The following BRWD3 variants were observed in gnomAD, a reference collection of about 807,000 sequenced individuals.
BRWD3 encodes bromodomain and WD repeat domain containing 3.
BRWD3 carries 10 observed loss-of-function variants against 149.7 expected under a neutral mutation model. The ratio of observed to expected loss-of-function variants is 0.07; its 90% CI spans 0.04 to 0.11. The LOEUF is 0.11. Ranked by LOEUF, BRWD3 falls within the 10% of genes least tolerant of loss-of-function variation. The pLI, the probability that BRWD3 is intolerant of heterozygous loss-of-function variation, is 1.00. For synonymous variants in BRWD3, 504 were observed against 456.7 expected (o/e 1.10, Z -1.32); for missense variants, 940 against 1,373.2 (o/e 0.68, Z 4.99).
At chrX:80,727,139 T>C (rs189852511) in intron 14 of BRWD3, among the ~76,000 whole-genome samples, 71 of 110,414 alleles carry the variant, frequency 6.4e-4, no homozygotes, top group African/African-American at 2.2e-3. Flanking sequence ...TTGTATTTAG[T>C]AAGCACACTT....
At chrX:80,750,586 G>C (rs1432965150) in intron 6 of BRWD3, among the ~76,000 whole-genome samples, 1 of 111,260 alleles carries the variant, frequency 9.0e-6, no homozygotes, top group Non-Finnish European at 1.9e-5. Context: ...ATCTGTGTTG[G>C]TAAGGACATA....
At chrX:80,797,222 C>A in intron 4 of BRWD3, among the ~76,000 whole-genome samples, 1 of 111,541 alleles carries the variant, frequency 9.0e-6, no homozygotes. Flanking sequence ...TTCCTTTTTT[C>A]CCAAAACTGT....
chrX:80,695,046 T>C (rs972553198), intron 27 of BRWD3, among the ~76,000 whole-genome samples: 1 of 110,482 alleles, frequency 9.1e-6, no homozygotes, highest in African/African-American at 3.3e-5. Flanking sequence ...TGGGAGCTGA[T>C]TGGATTATGG....
rs954326630 is a variant in BRWD3, at chrX:80,670,862, T to C, written c.*5747A>G. 8.9e-6 allele frequency: 1 copy of C among 111,813 alleles called. No individual in the cohort carries two copies. Among genetic ancestry groups the C allele is most frequent in the Non-Finnish European group, 1.9e-5 (1 of 53,203 alleles). The allele number at this position is 111,813 out of a possible 1,213,427, so 9.2% of individuals were successfully genotyped here. A position where few individuals can be genotyped will look rare whatever the true frequency, so the allele number is the denominator to read the frequency against. On this transcript the variant is annotated 3_prime_UTR_variant, in exon 41 of 41. Coordinates refer to ENST00000373275, the MANE Select transcript of BRWD3 (RefSeq NM_153252.5). ...GTAAAAAATCAGTCTACTTTTTTCC[T>C]AAATGCATTTTTTTTATTCTAAATA...
rs2073072261 is a variant in BRWD3, at chrX:80,716,186, T to C, written c.2296A>G (p.Lys766Glu). 4 of 1,209,696 alleles carry C rather than the reference T, an allele frequency of 3.3e-6. No individual in the cohort carries two copies. Among genetic ancestry groups the C allele is most frequent in the Non-Finnish European group, 4.5e-6 (4 of 893,877 alleles). ...TGAGTAGTGTAAGATGGCTTTTTCT[T>C]CTTTTCAACTGTATAAAGACTGATT... Reference protein sequence around the residue: ...IEISLYTVEKKKKPSYTTQRN... With the variant: ...IEISLYTVEKEKKPSYTTQRN... Residue 766 changes from lysine (K) to glutamate (E), a missense_variant, in exon 20 of 41, where the codon AAG becomes GAG. Lys to Glu is a moderately conservative substitution (Grantham distance 56). Transcript: ENST00000373275.
At chrX:80,696,997 G>A (rs1251764697) in intron 25 of BRWD3, 134 bp from the exon 26 acceptor site, 8 of 648,728 alleles carry the variant, frequency 1.2e-5, no homozygotes, top group African/African-American at 2.2e-5. Context: ...AGTGTTAAAG[G>A]TAATAAGATA....
intron 30 of BRWD3, 145 bp from the exon 31 acceptor site, chrX:80,691,318 G>A (rs939050121): frequency 3.5e-5 from 22 of 627,707 alleles, no homozygotes; most frequent in Admixed American, 3.8e-5. Flanking sequence ...CAAACAGAAC[G>A]TTATTCTTTA....
intron 4 of BRWD3, among the ~76,000 whole-genome samples, chrX:80,806,863 A>G (rs2074352641): frequency 8.9e-6 from 1 of 112,616 alleles, no homozygotes. Flanking sequence ...GGAAAAGTCT[A>G]GTAAACTGGG....
At chrX:80,688,185 A>T in intron 33 of BRWD3, 60 bp from the exon 34 acceptor site, 1 of 896,988 alleles carries the variant, frequency 1.1e-6, no homozygotes, top group South Asian at 2.0e-5. Context: ...CATATAAATT[A>T]GATGGACATT....
chrX:80,777,012 C>T (rs1054347465), intron 6 of BRWD3, among the ~76,000 whole-genome samples: 3 of 110,361 alleles, frequency 2.7e-5, no homozygotes, highest in Admixed American at 9.7e-5. Flanking sequence ...TACATAAATA[C>T]ATCTGATTTT....
chrX:80,762,991 C>T (rs774310965), intron 6 of BRWD3, among the ~76,000 whole-genome samples: 1 of 110,556 alleles, frequency 9.0e-6, no homozygotes, highest in Non-Finnish European at 1.9e-5. Context: ...ATAGTGATCG[C>T]TACTATAAAG....
chrX:80,787,429 C>T (rs941224634), intron 6 of BRWD3, among the ~76,000 whole-genome samples: 5 of 110,988 alleles, frequency 4.5e-5, no homozygotes, highest in Non-Finnish European at 9.4e-5. Flanking sequence ...AAAATGAGAG[C>T]AAAGTTGGAA....
rs2072356376 is a variant in BRWD3 at position 80,675,576 on chromosome X, G to C, written c.*1033C>G. 9.0e-6 allele frequency: 1 copy of C among 111,711 alleles called. No homozygotes were observed. Among genetic ancestry groups the C allele is most frequent in the Admixed American group, 9.5e-5 (1 of 10,531 alleles). 9.2% of individuals were successfully genotyped at this position (111,711 alleles called of 1,213,427 possible). On this transcript the variant is annotated 3_prime_UTR_variant, in exon 41 of 41. Coordinates refer to ENST00000373275, the MANE Select transcript of BRWD3 (RefSeq NM_153252.5). Reference sequence around the variant, plus strand: ...CAATACAATTATTAACAACCTCTCAGCTTATAACTTATGGGGTATTCATTC... The same window carrying C: ...CAATACAATTATTAACAACCTCTCACCTTATAACTTATGGGGTATTCATTC...
intron 20 of BRWD3, 66 bp from the exon 21 acceptor site, chrX:80,709,643 A>G: frequency 1.9e-6 from 2 of 1,037,178 alleles, no homozygotes; most frequent in Non-Finnish European, 2.6e-6. Flanking sequence ...AGGAACATAT[A>G]TAAAGCAAAT....
chrX:80,689,890 T>A, intron 32 of BRWD3, 44 bp from the exon 33 acceptor site: 1 of 1,169,081 alleles, frequency 8.6e-7, no homozygotes, highest in Non-Finnish European at 1.2e-6. Context: ...TTTTTACAAT[T>A]TTTCAATTAA....
chrX:80,774,703 C>A (rs1174625922), intron 6 of BRWD3, among the ~76,000 whole-genome samples: 1 of 111,466 alleles, frequency 9.0e-6, no homozygotes, highest in Non-Finnish European at 1.9e-5. Flanking sequence ...TTGGGACTAA[C>A]AGATTATTTT....
chrX:80,695,371 G>A (rs1329715629), intron 27 of BRWD3, among the ~76,000 whole-genome samples: 2 of 111,859 alleles, frequency 1.8e-5, no homozygotes, highest in African/African-American at 6.5e-5. Flanking sequence ...AATTAAGTGT[G>A]CAAAAAAGTT....
At chrX:80,721,522 A>T (rs1049468110) in intron 17 of BRWD3, among the ~76,000 whole-genome samples, 10 of 111,779 alleles carry the variant, frequency 8.9e-5, no homozygotes. Flanking sequence ...CTACTTGCAA[A>T]TCAGTAACTT....
intron 10 of BRWD3, among the ~76,000 whole-genome samples, chrX:80,734,434 C>T (rs1257037788): frequency 9.0e-6 from 1 of 111,290 alleles, no homozygotes; most frequent in Non-Finnish European, 1.9e-5. Context: ...GAATACAGGC[C>T]GCCTATGATC....
Sources: gnomAD v4.1 joint callset for allele counts (sites outside exome capture counted in the v4.1 genomes callset) on GRCh38, gnomAD v4.1.1 for gene constraint, MANE v1.5 for transcripts, NCBI Gene and HGNC (gene_info 2026-07-23, HGNC 2026-07-21) for gene names.